Variants in STK32A observed in about 807,000 individuals in gnomAD.
The protein encoded by STK32A is serine/threonine-protein kinase 32A.
STK32A carries 41 observed loss-of-function variants against 53.2 expected under a neutral mutation model. That is an observed-to-expected ratio of 0.77 (90% confidence interval 0.60 to 1.00). STK32A has a LOEUF of 1.00. Ranked by LOEUF, STK32A falls within the 50% of genes least tolerant of loss-of-function variation. The pLI, the probability that STK32A is intolerant of heterozygous loss-of-function variation, is 0.00. For synonymous variants in STK32A, 166 were observed against 162.8 expected (o/e 1.02, Z -0.15); for missense variants, 458 against 485.8 (o/e 0.94, Z 0.54).
intron 2 of STK32A, among the ~76,000 whole-genome samples, chr5:147,256,602 C>T (rs1242006551): frequency 1.3e-5 from 2 of 152,128 alleles, no homozygotes; most frequent in Non-Finnish European, 2.9e-5. Context: ...ACCTCTGCTT[C>T]CCAGGTTCAA....
At chr5:147,239,236 C>G (rs1290868027) in intron 1 of STK32A, among the ~76,000 whole-genome samples, 1 of 152,180 alleles carries the variant, frequency 6.6e-6, no homozygotes, top group Non-Finnish European at 1.5e-5. Flanking sequence ...CATATTTTCT[C>G]AACAATATTT....
At chr5:147,368,774 C>T (rs1295756138) in intron 8 of STK32A, among the ~76,000 whole-genome samples, 1 of 151,876 alleles carries the variant, frequency 6.6e-6, no homozygotes, top group Non-Finnish European at 1.5e-5. Context: ...GTCATATGGC[C>T]TTGTAAAGTA....
At chr5:147,309,221 T>C (rs1581071689) in intron 4 of STK32A, among the ~76,000 whole-genome samples, 1 of 152,044 alleles carries the variant, frequency 6.6e-6, no homozygotes, top group African/African-American at 2.4e-5. Flanking sequence ...GAAAGCAGAG[T>C]TTGAAGTCTG....
At chr5:147,334,090 C>T (rs114696006) in intron 5 of STK32A, among the ~76,000 whole-genome samples, 95 of 152,170 alleles carry the variant, frequency 6.2e-4, no homozygotes, top group South Asian at 4.2e-4. Flanking sequence ...GAAACAACTA[C>T]GGGCCATTAC....
At position 147,324,011 on chromosome 5, in the gene STK32A, T is replaced by A. The variant is rs760387585; in HGVS notation, c.374T>A (p.Leu125His). The A allele has an allele frequency of 6.2e-7, 1 of 1,611,662 alleles. No homozygotes were observed. The highest frequency in any genetic ancestry group is 8.5e-7 in the Non-Finnish European group (1 of 1,178,978). The change falls in exon 5 of 13, where the codon CTC becomes CAC. Residue 125 changes from leucine (L) to histidine (H), a missense_variant. By Grantham distance (99) the Leu-to-His change is moderately conservative. Transcript: ENST00000397936. ...NVHFKEETVK[L>H]FICELVMALD... is the part of the protein sequence containing the mutation. ...CACTTCAAGGAAGAAACAGTGAAGCTCTTCATCTGTGAGCTGGTCATGGCC... is the reference window on the plus strand; with the variant it reads ...CACTTCAAGGAAGAAACAGTGAAGCACTTCATCTGTGAGCTGGTCATGGCC...
intron 2 of STK32A, among the ~76,000 whole-genome samples, chr5:147,260,272 C>G (rs1008303100): frequency 8.5e-6 from 1 of 117,248 alleles, no homozygotes; most frequent in South Asian, 2.7e-4. Flanking sequence ...TCCCTCTCCC[C>G]TCTCTGTCTC....
At chr5:147,250,660 G>A (rs1043222042) in intron 2 of STK32A, among the ~76,000 whole-genome samples, 2 of 152,096 alleles carry the variant, frequency 1.3e-5, no homozygotes, top group Non-Finnish European at 2.9e-5. Context: ...TGCAGATATG[G>A]GCCCAGTGCG....
chr5:147,377,840 G>GT (rs1407898455), intron 11 of STK32A, among the ~76,000 whole-genome samples: 1 of 151,934 alleles, frequency 6.6e-6, no homozygotes, highest in East Asian at 1.9e-4. Flanking sequence ...GTATCTGCTT[G>GT]TTTTTTTGAT....
intron 2 of STK32A, among the ~76,000 whole-genome samples, chr5:147,269,584 G>A (rs551388614): frequency 6.6e-6 from 1 of 152,276 alleles, no homozygotes; most frequent in South Asian, 2.1e-4. Context: ...AATTTGTATA[G>A]CAAATTAACA....
chr5:147,283,714 G>T (rs910720546), intron 4 of STK32A, among the ~76,000 whole-genome samples: 2 of 151,992 alleles, frequency 1.3e-5, no homozygotes, highest in Non-Finnish European at 2.9e-5. Context: ...TAAATTCCTG[G>T]AAAAATATAA....
At chr5:147,326,478 C>A (rs1754594761) in intron 5 of STK32A, among the ~76,000 whole-genome samples, 1 of 152,202 alleles carries the variant, frequency 6.6e-6, no homozygotes, top group Non-Finnish European at 1.5e-5. Flanking sequence ...TTATATTTTA[C>A]AGGCTGTCAT....
intron 7 of STK32A, among the ~76,000 whole-genome samples, chr5:147,358,968 G>A (rs1371355591): frequency 6.6e-6 from 1 of 152,162 alleles, no homozygotes; most frequent in African/African-American, 2.4e-5. Flanking sequence ...ACACAGTGAT[G>A]GGGACAAGAT....
At chr5:147,254,364 A>G (rs1190431242) in intron 2 of STK32A, among the ~76,000 whole-genome samples, 1 of 152,236 alleles carries the variant, frequency 6.6e-6, no homozygotes, top group African/African-American at 2.4e-5. Context: ...AATAAGGATT[A>G]TACGAAATAA....
At chr5:147,309,948 T>A (rs1001557288) in intron 4 of STK32A, among the ~76,000 whole-genome samples, 1 of 152,184 alleles carries the variant, frequency 6.6e-6, no homozygotes, top group African/African-American at 2.4e-5. Flanking sequence ...CTTTTACAAC[T>A]CTTAAACCAA....
chr5:147,243,390 G>C lies in STK32A; in HGVS notation c.52+3704G>C, dbSNP rs1207854519. Among the ~76,000 whole-genome samples, 3 of 120,376 alleles carry C rather than the reference G, an allele frequency of 2.5e-5. 1 individual carries two copies. The highest frequency in any genetic ancestry group is 9.2e-5 in the African/African-American group (3 of 32,478). 79.0% of individuals were successfully genotyped at this position (120,376 alleles called of 152,430 possible). A position where few individuals can be genotyped will look rare whatever the true frequency, so the allele number is the denominator to read the frequency against. On this transcript the variant is annotated intron_variant, in intron 2 of 12. Transcript: ENST00000397936. ...GTTGTTCCATCTGATATCTGATCTTGAACACATAATTTTATTAGTTACTTA... is the reference window on the plus strand; with the variant it reads ...GTTGTTCCATCTGATATCTGATCTTCAACACATAATTTTATTAGTTACTTA...
chr5:147,275,491 AT>A (rs1755214806), intron 2 of STK32A, among the ~76,000 whole-genome samples: 1 of 151,952 alleles, frequency 6.6e-6, no homozygotes, highest in South Asian at 2.1e-4. Flanking sequence ...TGCCTAGCAA[AT>A]TTTTAATTTT....
chr5:147,331,952 CT>C (rs1754892686), intron 5 of STK32A, among the ~76,000 whole-genome samples: 2 of 152,304 alleles, frequency 1.3e-5, no homozygotes, highest in South Asian at 4.2e-4. Flanking sequence ...TGATTTTGGA[CT>C]TTCTACCTTC....
intron 5 of STK32A, among the ~76,000 whole-genome samples, chr5:147,328,076 C>T (rs1754688948): frequency 6.6e-6 from 1 of 152,178 alleles, no homozygotes; most frequent in South Asian, 2.1e-4. Flanking sequence ...AAGACAAGTA[C>T]TTCAGAGAAG....
chr5:147,308,624 G>T (rs1203679633), intron 4 of STK32A, among the ~76,000 whole-genome samples: 2 of 151,928 alleles, frequency 1.3e-5, no homozygotes, highest in South Asian at 2.1e-4. Context: ...TCACAGGGAA[G>T]GTTTTCAATA....
Sources: gnomAD v4.1 joint callset for allele counts (sites outside exome capture counted in the v4.1 genomes callset) on GRCh38, gnomAD v4.1.1 for gene constraint, MANE v1.5 for transcripts, NCBI Gene and HGNC (gene_info 2026-07-23, HGNC 2026-07-21) for gene names.